Variants in CBR4 observed in about 807,000 individuals in gnomAD.
CBR4 encodes the protein carbonyl reductase 4, also known as 3-oxoacyl-[acyl-carrier-protein] reductase.
Under a neutral mutation model 21.0 loss-of-function variants are expected in CBR4, and 22 were observed. That is an observed-to-expected ratio of 1.05 (90% CI 0.75 to 1.50). CBR4 has a LOEUF of 1.50. CBR4 is among the 40% of genes most tolerant of loss of function. The pLI, the probability that CBR4 is intolerant of heterozygous loss-of-function variation, is 0.00. For missense variants in CBR4, 302 were observed against 286.3 expected, an observed-to-expected ratio of 1.05 and a Z score of -0.40; for synonymous variants, 100 against 104.4, an observed-to-expected ratio of 0.96 and a Z score of 0.26.
At position 169,006,892 on chromosome 4, in the gene CBR4, C is replaced by T. The variant is rs149176415; in HGVS notation, c.264-1G>A. The stretch of plus-strand genomic sequence containing the variant: ...TTTTGTTCTTACTAAAAGACCATCC[C>T]TACAAAAAGAAACAGCATATAATAG... On this transcript the variant is annotated splice_acceptor_variant, in intron 2 of 4. Transcript: ENST00000306193. LOFTEE classifies it high-confidence loss of function. 54 of 1,610,064 alleles carry T rather than the reference C, an allele frequency of 3.4e-5. 1 individual carries two copies. The African/African-American group carries it at 6.3e-4, about 19-fold the overall frequency.
intron 2 of CBR4, among the ~76,000 whole-genome samples, chr4:168,903,342 A>G (rs948877152): frequency 4.6e-5 from 7 of 152,070 alleles, no homozygotes; most frequent in African/African-American, 1.7e-4. Flanking sequence ...TTTTACCTTT[A>G]TTTTATAAAC....
intron 2 of CBR4, among the ~76,000 whole-genome samples, chr4:168,979,757 A>C (rs1764485587): frequency 6.6e-6 from 1 of 152,100 alleles, no homozygotes; most frequent in Admixed American, 6.5e-5. Context: ...CCCCAGCTGA[A>C]TATTCCCATT....
chr4:168,973,898 C>T (rs1961697), intron 2 of CBR4, among the ~76,000 whole-genome samples: 102,589 of 152,018 alleles, frequency 0.67, 36,551 homozygotes, highest in East Asian at 0.96. Context: ...TTAAGTGGAC[C>T]ATTTACACCA....
Position 168,924,410 on chromosome 4 carries a change from G to A in CBR4, n.170-29645C>T. On this transcript the variant is annotated intron_variant and non_coding_transcript_variant, in intron 2 of 3. Coordinates refer to the CBR4 transcript ENST00000509108. ...AAATGAATCACTCACTCACAGCACT[G>A]ACCGAGTGAGGTAAGACTGCACAAT... The A allele has an allele frequency of 2.5e-6, 4 of 1,613,546 alleles. No homozygotes were observed. The highest frequency in any genetic ancestry group is 1.1e-5 in the South Asian group (1 of 91,028).
Position 168,989,752 on chromosome 4 carries a change from A to G in CBR4, c.*398T>C. On this transcript the variant is annotated 3_prime_UTR_variant, in exon 5 of 5. Coordinates refer to ENST00000306193, the MANE Select transcript of CBR4 (RefSeq NM_032783.5). ...TGTTTATATGACTTGCAAAATGTCTATACACTAAGATTGCTACAGTCTATG... is the reference window on the plus strand; with the variant it reads ...TGTTTATATGACTTGCAAAATGTCTGTACACTAAGATTGCTACAGTCTATG... The G allele has an allele frequency of 1.0e-6, 1 of 986,940 alleles. No homozygotes were observed. Among genetic ancestry groups the G allele is most frequent in the Middle Eastern group, 5.2e-4 (1 of 1,934 alleles). The allele number at this position is 986,940 out of a possible 1,614,324, so 61.1% of individuals were successfully genotyped here.
chr4:168,986,558 T>G (rs565715544), downstream of CBR4, among the ~76,000 whole-genome samples: 22 of 152,328 alleles, frequency 1.4e-4, no homozygotes, highest in African/African-American at 5.3e-4. Context: ...GTTGTTTTTT[T>G]GTCACCATTC....
chr4:168,899,641 G>C (rs938205227), intron 2 of CBR4, among the ~76,000 whole-genome samples: 4 of 152,182 alleles, frequency 2.6e-5, no homozygotes, highest in Non-Finnish European at 5.9e-5. Flanking sequence ...TATTGGCCAA[G>C]CATGGTGGCT....
chr4:168,996,741 A>G (rs1765222800), intron 4 of CBR4, among the ~76,000 whole-genome samples: 2 of 152,136 alleles, frequency 1.3e-5, no homozygotes, highest in African/African-American at 4.8e-5. Context: ...CCACTTTATC[A>G]GAAATTAAAT....
At chr4:168,934,229 C>A (rs528177880) in intron 2 of CBR4, among the ~76,000 whole-genome samples, 9 of 121,014 alleles carry the variant, frequency 7.4e-5, no homozygotes, top group African/African-American at 3.0e-4. Flanking sequence ...AAGCCACTGG[C>A]AAGACCCAGT....
At chr4:168,963,690 G>A (rs1040730253) in intron 2 of CBR4, among the ~76,000 whole-genome samples, 10 of 151,784 alleles carry the variant, frequency 6.6e-5, no homozygotes, top group South Asian at 2.1e-4. Context: ...GGCTGGTCTC[G>A]AACTCCTTAC....
At chr4:168,909,700 TACTA>T (rs1042298796) in intron 2 of CBR4, among the ~76,000 whole-genome samples, 5 of 152,306 alleles carry the variant, frequency 3.3e-5, no homozygotes, top group East Asian at 1.9e-4. Flanking sequence ...CATCAGAGCC[TACTA>T]ACTATGATTA....
chr4:168,957,605 G>A (rs1258349507), intron 2 of CBR4, among the ~76,000 whole-genome samples: 1 of 152,140 alleles, frequency 6.6e-6, no homozygotes, highest in Non-Finnish European at 1.5e-5. Flanking sequence ...GTTTTCTCAT[G>A]CACCTTGTAG....
intron 2 of CBR4, among the ~76,000 whole-genome samples, chr4:168,922,104 C>T (rs111882308): frequency 6.0e-3 from 145 of 24,170 alleles, no homozygotes; most frequent in Non-Finnish European, 0.012. Context: ...TATATATATA[C>T]ACACACACAC....
At chr4:168,930,686 T>G (rs1762950140) in intron 2 of CBR4, among the ~76,000 whole-genome samples, 1 of 152,190 alleles carries the variant, frequency 6.6e-6, no homozygotes, top group African/African-American at 2.4e-5. Flanking sequence ...GAAGGCAGCA[T>G]GGAGACACCT....
downstream of CBR4, among the ~76,000 whole-genome samples, chr4:168,984,430 T>C (rs1764626505): frequency 6.6e-6 from 1 of 152,004 alleles, no homozygotes; most frequent in Non-Finnish European, 1.5e-5. Context: ...AAAAAAAATA[T>C]TCTATGCTCA....
chr4:168,911,629 C>T (rs916708578), intron 2 of CBR4, among the ~76,000 whole-genome samples: 4 of 152,150 alleles, frequency 2.6e-5, no homozygotes, highest in Admixed American at 2.6e-4. Context: ...AGATTTTCTA[C>T]AGCAAGTACA....
At chr4:168,934,989 T>C (rs1164161420) in intron 2 of CBR4, among the ~76,000 whole-genome samples, 1 of 152,192 alleles carries the variant, frequency 6.6e-6, no homozygotes, top group Admixed American at 6.5e-5. Context: ...ACACCGAAGA[T>C]GGCCAAATGG....
At position 168,988,406 on chromosome 4, in the gene CBR4, AT is replaced by A; in HGVS notation, c.*1743del. ...ATACTGCTTTCTACCCAAATCACCAATTGAATCAGCCTCGCTCATGATTTCA... is the reference window on the plus strand; with the variant it reads ...ATACTGCTTTCTACCCAAATCACCAATGAATCAGCCTCGCTCATGATTTCA... On this transcript the variant is annotated 3_prime_UTR_variant, in exon 5 of 5. Coordinates refer to ENST00000306193, the MANE Select transcript of CBR4 (RefSeq NM_032783.5). 1.0e-6 allele frequency: 1 copy of A among 985,436 alleles called. No homozygotes were observed. The highest frequency in any genetic ancestry group is 1.2e-6 in the Non-Finnish European group (1 of 829,918). 61.0% of individuals were successfully genotyped at this position (985,436 alleles called of 1,614,324 possible). A position where few individuals can be genotyped will look rare whatever the true frequency, so the allele number is the denominator to read the frequency against.
chr4:168,991,038 G>C (rs998447332), intron 4 of CBR4, among the ~76,000 whole-genome samples: 2 of 152,046 alleles, frequency 1.3e-5, no homozygotes, highest in Non-Finnish European at 2.9e-5. Flanking sequence ...TCAGCGACAA[G>C]AGTGAAACTC....
Sources: allele counts gnomAD v4.1 joint callset (sites outside exome capture counted in the v4.1 genomes callset), GRCh38; gene constraint gnomAD v4.1.1; transcripts MANE v1.5; gene names NCBI Gene and HGNC (gene_info 2026-07-23, HGNC 2026-07-21).